Variants in HERC3 observed in about 807,000 individuals in gnomAD.
HERC3 encodes the protein probable E3 ubiquitin-protein ligase HERC3.
Under a neutral mutation model 129.9 loss-of-function variants are expected in HERC3, and 58 were observed. That is an observed-to-expected ratio of 0.45 (90% CI 0.36 to 0.56). The LOEUF is 0.56. Among genes scored for constraint, HERC3 ranks in the 20% least tolerant of loss-of-function variants. HERC3 has a pLI of 0.00. For synonymous variants in HERC3, 430 were observed against 451.0 expected (o/e 0.95, Z 0.59); for missense variants, 835 against 1,244.2 (o/e 0.67, Z 4.95).
Position 88,697,312 on chromosome 4 carries a change from T to G in HERC3, c.2658-6786T>G, listed in dbSNP as rs1734713886. ...CTCCTCCTCGTCTTCCCCCTCCTCC[T>G]CGTCATCCTCGTACTCCTCTTCCTC... is the stretch of plus-strand genomic sequence containing the variant. On this transcript the variant is annotated intron_variant, in intron 23 of 25. Transcript: ENST00000402738. 6.2e-6 allele frequency: 10 copies of G among 1,611,544 alleles called. No homozygotes were observed. Among genetic ancestry groups the G allele is most frequent in the Non-Finnish European group, 8.5e-6 (10 of 1,178,578 alleles).
chr4:88,697,724 C>G, intron 23 of HERC3: 1 of 1,611,200 alleles, frequency 6.2e-7, no homozygotes, highest in South Asian at 1.1e-5. Context: ...TGGCTAGGCT[C>G]CGCAGGCCCC....
intron 5 of HERC3, 75 bp downstream of exon 5, chr4:88,652,163 T>G: frequency 2.6e-6 from 3 of 1,150,418 alleles, no homozygotes; most frequent in Non-Finnish European, 2.6e-6. Context: ...TGTGTGATAT[T>G]ATCTAACTGA....
chr4:88,587,665 C>T (rs1475718163), upstream of HERC3, among the ~76,000 whole-genome samples: 1 of 152,252 alleles, frequency 6.6e-6, no homozygotes, highest in South Asian at 2.1e-4. Context: ...TCCTTTGACC[C>T]AGATTTAGTA....
chr4:88,563,231 TTAAG>T, the HERC3 span, among the ~76,000 whole-genome samples: 6 of 152,220 alleles, frequency 3.9e-5, no homozygotes, highest in Non-Finnish European at 8.8e-5. Flanking sequence ...TGGTTAGTTC[TTAAG>T]TGTCTTATTT....
chr4:88,627,194 C>T (rs373547145), intron 3 of HERC3, among the ~76,000 whole-genome samples: 2 of 151,932 alleles, frequency 1.3e-5, no homozygotes, highest in African/African-American at 4.8e-5. Flanking sequence ...AAATATGTGG[C>T]AATTTTGCTG....
chr4:88,541,816 G>A, the HERC3 span, among the ~76,000 whole-genome samples: 1 of 152,134 alleles, frequency 6.6e-6, no homozygotes, highest in Non-Finnish European at 1.5e-5. Context: ...ACAACTACAT[G>A]GAAACTGAAC....
chr4:88,568,404 T>C, the HERC3 span, among the ~76,000 whole-genome samples: 6 of 152,224 alleles, frequency 3.9e-5, no homozygotes, highest in Admixed American at 1.3e-4. Flanking sequence ...TCCAGAAATG[T>C]CATCCATGAG....
At chr4:88,529,005 A>T in the HERC3 span, among the ~76,000 whole-genome samples, 2 of 152,202 alleles carry the variant, frequency 1.3e-5, no homozygotes, top group African/African-American at 2.4e-5. Context: ...TTAATTTATT[A>T]ATTTATTGAA....
At chr4:88,562,124 G>C in the HERC3 span, among the ~76,000 whole-genome samples, 7 of 152,106 alleles carry the variant, frequency 4.6e-5, no homozygotes, top group East Asian at 1.9e-4. Context: ...GGTGTACAAG[G>C]GTTCCTTTTT....
chr4:88,664,675 A>G (rs1199608832), intron 12 of HERC3, among the ~76,000 whole-genome samples: 1 of 152,210 alleles, frequency 6.6e-6, no homozygotes, highest in Non-Finnish European at 1.5e-5. Context: ...ATGTGTCATA[A>G]TTCTAAATTC....
the HERC3 span, among the ~76,000 whole-genome samples, chr4:88,539,274 TGC>T: frequency 3.3e-5 from 5 of 152,324 alleles, no homozygotes; most frequent in East Asian, 9.7e-4. Context: ...TTCCCTCCCG[TGC>T]CTGGCTCTGC....
intron 2 of HERC3, 81 bp from the exon 3 acceptor site, chr4:88,605,714 A>G: frequency 1.3e-6 from 1 of 756,050 alleles, no homozygotes; most frequent in Admixed American, 2.8e-5. Flanking sequence ...GTTATTTTTA[A>G]AATTGGTTAC....
intron 19 of HERC3, among the ~76,000 whole-genome samples, chr4:88,679,843 A>G (rs141180456): frequency 1.7e-3 from 259 of 152,316 alleles, no homozygotes; most frequent in African/African-American, 6.0e-3. Context: ...TTCTAAGGAC[A>G]CATGGTAAAT....
rs1731213998 is a variant in HERC3 at position 88,667,900 on chromosome 4, C to T, written c.1452C>T (p.Asn484=). The T allele has an allele frequency of 1.2e-6, 2 of 1,608,848 alleles. No homozygotes were observed. Among genetic ancestry groups the T allele is most frequent in the African/African-American group, 1.3e-5 (1 of 74,666 alleles). ...TCTTTTCCCTCATACAGATTTTGAA[C>T]AGTTTTGAAAGTTGTCTGATTCCCC... ...QHSMILEQIL[N]SFESCLIPQL... is the part of the protein sequence containing the mutation. The change falls in exon 14 of 26, where the codon AAC becomes AAT. Residue 484 remains asparagine (N), a synonymous_variant. Transcript: ENST00000402738.
At chr4:88,533,874 A>T in the HERC3 span, among the ~76,000 whole-genome samples, 1 of 152,212 alleles carries the variant, frequency 6.6e-6, no homozygotes, top group Admixed American at 6.5e-5. Flanking sequence ...AAATTTCACA[A>T]AAAGAAAAGT....
chr4:88,663,849 T>C (rs1730763513), intron 11 of HERC3, among the ~76,000 whole-genome samples: 1 of 152,224 alleles, frequency 6.6e-6, no homozygotes, highest in Admixed American at 6.5e-5. Context: ...GGAGTTTAGA[T>C]AGGGCACTTC....
At chr4:88,606,173 G>A (rs1723602827) in intron 3 of HERC3, 124 bp downstream of exon 3, 1 of 647,336 alleles carries the variant, frequency 1.5e-6, no homozygotes, top group Non-Finnish European at 2.6e-6. Context: ...CTTTTGAACG[G>A]TGCAGGGATT....
At chr4:88,695,718 A>G (rs1190703718) in intron 23 of HERC3, among the ~76,000 whole-genome samples, 1 of 152,160 alleles carries the variant, frequency 6.6e-6, no homozygotes, top group African/African-American at 2.4e-5. Flanking sequence ...TTTGGATGCT[A>G]TTCTATAGGA....
the HERC3 span, among the ~76,000 whole-genome samples, chr4:88,581,423 C>G: frequency 3.3e-5 from 5 of 151,482 alleles, no homozygotes; most frequent in Admixed American, 6.6e-5. Context: ...TCAGCCTCCT[C>G]AGTAGCTGGG....
Sources: gnomAD v4.1 joint callset for allele counts (sites outside exome capture counted in the v4.1 genomes callset) on GRCh38, gnomAD v4.1.1 for gene constraint, MANE v1.5 for transcripts, NCBI Gene and HGNC (gene_info 2026-07-23, HGNC 2026-07-21) for gene names.